The following ST6GALNAC3 variants were observed in gnomAD, a reference collection of about 807,000 sequenced individuals.
ST6GALNAC3 encodes ST6 N-acetylgalactosaminide alpha-2,6-sialyltransferase 3.
In ST6GALNAC3, 25 loss-of-function variants were observed where a neutral mutation model predicts 32.7. The ratio of observed to expected loss-of-function variants is 0.76; its 90% CI spans 0.56 to 1.07. The LOEUF (loss-of-function observed/expected upper bound fraction) is 1.07. Among genes scored for constraint, ST6GALNAC3 ranks in the 50% least tolerant of loss-of-function variants. ST6GALNAC3 has a pLI of 0.00. For missense variants in ST6GALNAC3, 355 were observed against 382.4 expected (o/e 0.93, Z 0.60); for synonymous variants, 129 against 133.1 (o/e 0.97, Z 0.21).
chr1:76,179,149 A>G (rs1362555407), intron 1 of ST6GALNAC3, among the ~76,000 whole-genome samples: 3 of 152,234 alleles, frequency 2.0e-5, no homozygotes, highest in Admixed American at 1.3e-4. Context: ...AGCCTGGTGG[A>G]AAGGACTGGA....
intron 1 of ST6GALNAC3, among the ~76,000 whole-genome samples, chr1:76,173,863 T>C (rs183337623): frequency 3.3e-5 from 5 of 152,130 alleles, no homozygotes; most frequent in Non-Finnish European, 7.3e-5. Context: ...TGTGGAGAAA[T>C]AGGAAGACTT....
chr1:76,245,409 T>A (rs1275388240), intron 1 of ST6GALNAC3, among the ~76,000 whole-genome samples: 1 of 152,040 alleles, frequency 6.6e-6, no homozygotes, highest in South Asian at 2.1e-4. Context: ...TTTTGAAGGG[T>A]TTTTTGTAGG....
At chr1:76,543,957 A>T (rs1490060555) in intron 3 of ST6GALNAC3, among the ~76,000 whole-genome samples, 1 of 152,114 alleles carries the variant, frequency 6.6e-6, no homozygotes, top group East Asian at 1.9e-4. Context: ...TATTGAGCAC[A>T]TACTATCTGC....
chr1:76,373,189 C>A (rs1031434439), intron 2 of ST6GALNAC3, among the ~76,000 whole-genome samples: 6 of 152,088 alleles, frequency 3.9e-5, no homozygotes, highest in Admixed American at 3.9e-4. Context: ...TTTGAAGTAG[C>A]ATCATTTGTT....
chr1:76,181,042 G>A (rs1653147259), intron 1 of ST6GALNAC3, among the ~76,000 whole-genome samples: 1 of 152,216 alleles, frequency 6.6e-6, no homozygotes, highest in South Asian at 2.1e-4. Context: ...TGGGCTCCGG[G>A]AGTCACAGGC....
At chr1:76,116,432 G>C (rs289691) in intron 1 of ST6GALNAC3, among the ~76,000 whole-genome samples, 92,835 of 151,846 alleles carry the variant, frequency 0.61, 28,936 homozygotes, top group African/African-American at 0.69. Context: ...CTCCATTTCT[G>C]TAGCTCCATG....
chr1:76,199,682 A>C (rs1222213979), intron 1 of ST6GALNAC3, among the ~76,000 whole-genome samples: 1 of 152,212 alleles, frequency 6.6e-6, no homozygotes, highest in Non-Finnish European at 1.5e-5. Context: ...CTGTGGCCAT[A>C]TGCTAATTTG....
intron 2 of ST6GALNAC3, among the ~76,000 whole-genome samples, chr1:76,365,610 A>T (rs1261394459): frequency 6.6e-6 from 1 of 152,226 alleles, no homozygotes; most frequent in Non-Finnish European, 1.5e-5. Flanking sequence ...TCTGATGCAG[A>T]GATCTTTACC....
chr1:76,380,887 T>G (rs1481270472), intron 2 of ST6GALNAC3, among the ~76,000 whole-genome samples: 1 of 152,184 alleles, frequency 6.6e-6, no homozygotes, highest in Non-Finnish European at 1.5e-5. Context: ...TACTGGGTAA[T>G]GAATGTTTCC....
chr1:76,317,791 G>C (rs1048766021), intron 2 of ST6GALNAC3, among the ~76,000 whole-genome samples: 3 of 152,216 alleles, frequency 2.0e-5, no homozygotes, highest in Admixed American at 1.3e-4. Flanking sequence ...ATGATTACAA[G>C]AAAGAATGTC....
At chr1:76,075,246 G>T (rs1371991061) in intron 1 of ST6GALNAC3, among the ~76,000 whole-genome samples, 1 of 152,196 alleles carries the variant, frequency 6.6e-6, no homozygotes, top group Non-Finnish European at 1.5e-5. Flanking sequence ...CACGGGGAGG[G>T]GTGGAGTGGC....
At chr1:76,198,571 A>G (rs1654339524) in intron 1 of ST6GALNAC3, among the ~76,000 whole-genome samples, 1 of 152,164 alleles carries the variant, frequency 6.6e-6, no homozygotes, top group Non-Finnish European at 1.5e-5. Flanking sequence ...ATTAGGAGAT[A>G]GATTTAACAG....
At chr1:76,095,849 G>A (rs562171011) in intron 1 of ST6GALNAC3, among the ~76,000 whole-genome samples, 1 of 152,064 alleles carries the variant, frequency 6.6e-6, no homozygotes, top group African/African-American at 2.4e-5. Flanking sequence ...TCCCCTCAGG[G>A]CTGAATGAAA....
chr1:76,244,612 G>A (rs752050162), intron 1 of ST6GALNAC3, among the ~76,000 whole-genome samples: 13 of 152,028 alleles, frequency 8.6e-5, no homozygotes, highest in Admixed American at 1.3e-4. Context: ...ATTGAGATAC[G>A]TTCCGTCAAT....
At chr1:76,545,122 A>C (rs1406875446) in intron 3 of ST6GALNAC3, among the ~76,000 whole-genome samples, 1 of 152,186 alleles carries the variant, frequency 6.6e-6, no homozygotes, top group African/African-American at 2.4e-5. Context: ...AGTCTTGTCC[A>C]CATCCAGCCT....
At chr1:76,183,981 C>T (rs912611621) in intron 1 of ST6GALNAC3, among the ~76,000 whole-genome samples, 8 of 151,128 alleles carry the variant, frequency 5.3e-5, no homozygotes, top group Non-Finnish European at 8.8e-5. Flanking sequence ...TGTGAAGTTA[C>T]GCCTACTGAT....
chr1:76,224,182 C>T (rs1655940646), intron 1 of ST6GALNAC3, among the ~76,000 whole-genome samples: 1 of 152,130 alleles, frequency 6.6e-6, no homozygotes, highest in African/African-American at 2.4e-5. Context: ...CCTGTTGAAA[C>T]CTTCAAGATT....
chr1:76,241,066 C>T (rs1423315374), intron 1 of ST6GALNAC3, among the ~76,000 whole-genome samples: 2 of 152,148 alleles, frequency 1.3e-5, no homozygotes, highest in Non-Finnish European at 2.9e-5. Flanking sequence ...TACCAGGTTA[C>T]TCACTTGCAA....
chr1:76,402,566 A>G (rs1653507950), intron 2 of ST6GALNAC3, among the ~76,000 whole-genome samples: 1 of 152,188 alleles, frequency 6.6e-6, no homozygotes. Context: ...TTTAGGCAGA[A>G]TACATACCTT....
Sources: allele counts gnomAD v4.1 joint callset (sites outside exome capture counted in the v4.1 genomes callset), GRCh38; gene constraint gnomAD v4.1.1; transcripts MANE v1.5; gene names NCBI Gene and HGNC (gene_info 2026-07-23, HGNC 2026-07-21).